The following CSMD2 variants were observed in gnomAD, a reference collection of about 807,000 sequenced individuals.
CSMD2 encodes the protein CUB and Sushi multiple domains 2.
Under a neutral mutation model 398.5 loss-of-function variants are expected in CSMD2, and 130 were observed. The observed-to-expected ratio is 0.33, with a 90% CI of 0.28 to 0.38. CSMD2 has a LOEUF of 0.38. CSMD2 is among the 10% of genes least tolerant of loss of function. The pLI, the probability that CSMD2 is intolerant of heterozygous loss-of-function variation, is 1.00. For missense variants in CSMD2, 3,829 were observed against 4,764.9 expected (o/e 0.80, Z 5.78); for synonymous variants, 1,828 against 1,908.5 (o/e 0.96, Z 1.10).
intron 6 of CSMD2, chr1:33,840,112 G>A (rs917296620): frequency 2.0e-5 from 3 of 152,220 alleles, no homozygotes; most frequent in Non-Finnish European, 4.4e-5. Context: ...TGGTAAATGG[G>A]AAGCAGTGTT....
At chr1:33,656,151 A>AG (rs1161495601) in intron 27 of CSMD2, among the ~76,000 whole-genome samples, 1 of 152,104 alleles carries the variant, frequency 6.6e-6, no homozygotes, top group African/African-American at 2.4e-5. Flanking sequence ...AAGGATGAAA[A>AG]GAAGGAAGGA....
chr1:33,924,944 C>T (rs943564379), intron 4 of CSMD2, among the ~76,000 whole-genome samples: 2 of 152,060 alleles, frequency 1.3e-5, no homozygotes, highest in Non-Finnish European at 2.9e-5. Context: ...ACATTCTGGA[C>T]ATTAGTCCCC....
chr1:34,144,867 A>G (rs1298459515), intron 1 of CSMD2, among the ~76,000 whole-genome samples: 1 of 152,238 alleles, frequency 6.6e-6, no homozygotes, highest in Non-Finnish European at 1.5e-5. Flanking sequence ...CAAAGAGCCT[A>G]ACAGAAACTG....
intron 13 of CSMD2, among the ~76,000 whole-genome samples, chr1:33,756,723 T>C (rs770410): frequency 0.34 from 52,227 of 152,024 alleles, 10,174 homozygotes; most frequent in African/African-American, 0.53. Context: ...TTATGAGAGT[T>C]GGATGGCAAG....
chr1:33,917,575 C>T (rs748287397), intron 5 of CSMD2, among the ~76,000 whole-genome samples: 1 of 152,156 alleles, frequency 6.6e-6, no homozygotes, highest in Non-Finnish European at 1.5e-5. Flanking sequence ...ACTTTTTTAG[C>T]AAAGCCAGAA....
intron 24 of CSMD2, among the ~76,000 whole-genome samples, chr1:33,698,080 T>G (rs749763014): frequency 1.5e-4 from 23 of 152,084 alleles, no homozygotes; most frequent in Non-Finnish European, 2.9e-4. Context: ...GGGAGATGGG[T>G]GGTAAGAGAT....
At chr1:33,988,325 C>A (rs188398315) in intron 3 of CSMD2, among the ~76,000 whole-genome samples, 2 of 152,272 alleles carry the variant, frequency 1.3e-5, no homozygotes, top group East Asian at 3.9e-4. Flanking sequence ...GCCCTTGTCA[C>A]AACTGTAGAC....
intron 3 of CSMD2, among the ~76,000 whole-genome samples, chr1:33,962,972 G>A (rs1645419333): frequency 6.6e-6 from 1 of 152,210 alleles, no homozygotes; most frequent in African/African-American, 2.4e-5. Flanking sequence ...TTAGAGCAAT[G>A]TCTGGTACGT....
intron 1 of CSMD2, among the ~76,000 whole-genome samples, chr1:34,093,178 C>T (rs182444706): frequency 0.01 from 1,575 of 152,276 alleles, 9 homozygotes; most frequent in South Asian, 0.015. Context: ...GGTACTCCAA[C>T]AGACCTGCAG....
At chr1:33,535,262 G>T (rs1157841041) in intron 62 of CSMD2, among the ~76,000 whole-genome samples, 1 of 152,172 alleles carries the variant, frequency 6.6e-6, no homozygotes. Flanking sequence ...TGTTCTAGGG[G>T]CTCTTTCCCT....
At chr1:33,741,188 A>G (rs567202759) in intron 14 of CSMD2, among the ~76,000 whole-genome samples, 1 of 152,206 alleles carries the variant, frequency 6.6e-6, no homozygotes, top group East Asian at 1.9e-4. Context: ...AGGGACACAG[A>G]TTTCAAGTCA....
intron 3 of CSMD2, among the ~76,000 whole-genome samples, chr1:34,010,828 C>G (rs1473202305): frequency 6.6e-6 from 1 of 152,054 alleles, no homozygotes; most frequent in Non-Finnish European, 1.5e-5. Context: ...CCGTGTTAGC[C>G]TCGGTGAAGG....
chr1:33,741,440 C>T (rs1035713041), intron 14 of CSMD2, among the ~76,000 whole-genome samples: 6 of 152,106 alleles, frequency 3.9e-5, no homozygotes, highest in Admixed American at 1.3e-4. Flanking sequence ...GATTCTGGGG[C>T]CCCATCCCTT....
chr1:34,098,660 T>C (rs980390175), intron 1 of CSMD2, among the ~76,000 whole-genome samples: 5 of 149,398 alleles, frequency 3.3e-5, no homozygotes, highest in Non-Finnish European at 5.9e-5. Flanking sequence ...TCAGGCAATA[T>C]TAAAAAAAAT....
chr1:34,106,910 A>G (rs1247562728), intron 1 of CSMD2, among the ~76,000 whole-genome samples: 1 of 152,220 alleles, frequency 6.6e-6, no homozygotes. Context: ...CGGACCAAAC[A>G]TGATTTTCCC....
At chr1:33,698,661 T>C in intron 24 of CSMD2, 92 bp downstream of exon 24, 2 of 1,241,416 alleles carry the variant, frequency 1.6e-6, no homozygotes, top group Non-Finnish European at 2.2e-6. Flanking sequence ...CCCCAGGCCC[T>C]GGAGCATGGG....
chr1:33,772,406 A>G, intron 13 of CSMD2, 163 bp downstream of exon 13: 2 of 603,238 alleles, frequency 3.3e-6, no homozygotes, highest in South Asian at 4.1e-5. Context: ...GCCAGAAATA[A>G]GGACCCCACC....
intron 53 of CSMD2, among the ~76,000 whole-genome samples, chr1:33,563,067 G>A (rs772122086): frequency 2.0e-5 from 3 of 152,196 alleles, no homozygotes; most frequent in Non-Finnish European, 4.4e-5. Flanking sequence ...GAAAGTAGAG[G>A]TCCTGATGAG....
At chr1:33,826,220 T>G (rs1658797351) in intron 6 of CSMD2, among the ~76,000 whole-genome samples, 2 of 152,212 alleles carry the variant, frequency 1.3e-5, no homozygotes, top group South Asian at 4.1e-4. Context: ...GATCAGAATA[T>G]GGGCCCAAAT....
Sources: allele counts gnomAD v4.1 joint callset (sites outside exome capture counted in the v4.1 genomes callset), GRCh38; gene constraint gnomAD v4.1.1; transcripts MANE v1.5; gene names NCBI Gene and HGNC (gene_info 2026-07-23, HGNC 2026-07-21).